Variants in NPAS3 observed in about 807,000 individuals in gnomAD.
NPAS3 encodes neuronal PAS domain protein 3, also known as neuronal PAS domain-containing protein 3.
A neutral mutation model predicts 73.1 loss-of-function variants in NPAS3; 14 were observed. That is an observed-to-expected ratio of 0.19 (90% CI 0.13 to 0.30). The LOEUF (loss-of-function observed/expected upper bound fraction) is 0.30. Ranked by LOEUF, NPAS3 falls within the 10% of genes least tolerant of loss-of-function variation. The pLI, the probability that NPAS3 is intolerant of heterozygous loss-of-function variation, is 1.00. For missense variants in NPAS3, 1,096 were observed against 1,250.0 expected (o/e 0.88, Z 1.86); for synonymous variants, 620 against 541.5 (o/e 1.14, Z -2.01).
intron 3 of NPAS3, among the ~76,000 whole-genome samples, chr14:33,365,420 T>A (rs1490326703): frequency 6.6e-6 from 1 of 152,138 alleles, no homozygotes; most frequent in Non-Finnish European, 1.5e-5. Context: ...ACAGTAGTAC[T>A]GTCTTAAGTA....
intron 3 of NPAS3, among the ~76,000 whole-genome samples, chr14:33,366,307 A>G (rs2045839854): frequency 6.6e-6 from 1 of 151,554 alleles, no homozygotes; most frequent in African/African-American, 2.4e-5. Context: ...CAGGTTTAAC[A>G]TAAATTGGAA....
intron 6 of NPAS3, among the ~76,000 whole-genome samples, chr14:33,704,454 T>C (rs572948978): frequency 3.9e-5 from 6 of 152,340 alleles, no homozygotes; most frequent in Non-Finnish European, 8.8e-5. Context: ...TACTTCCTTA[T>C]TGCATTACAA....
intron 4 of NPAS3, among the ~76,000 whole-genome samples, chr14:33,412,162 A>C (rs2047956593): frequency 6.6e-6 from 1 of 152,110 alleles, no homozygotes; most frequent in African/African-American, 2.4e-5. Context: ...TCTGTCCCCC[A>C]GGCTGGAATG....
intron 4 of NPAS3, among the ~76,000 whole-genome samples, chr14:33,545,539 C>G (rs936794101): frequency 5.9e-5 from 9 of 152,288 alleles, no homozygotes; most frequent in Admixed American, 4.6e-4. Context: ...TAGCTCAGGT[C>G]TATTTGAGTT....
chr14:33,076,277 C>G (rs911179444), intron 2 of NPAS3, among the ~76,000 whole-genome samples: 1 of 152,120 alleles, frequency 6.6e-6, no homozygotes, highest in African/African-American at 2.4e-5. Context: ...AAGTAAAGAG[C>G]TTTTTGCTGA....
intron 4 of NPAS3, among the ~76,000 whole-genome samples, chr14:33,466,895 T>C (rs1309587937): frequency 1.3e-5 from 2 of 152,118 alleles, no homozygotes; most frequent in East Asian, 3.8e-4. Flanking sequence ...GGGATTACAA[T>C]CAGACATGAG....
chr14:33,367,364 G>C (rs2045890915), intron 4 of NPAS3, 96 bp downstream of exon 4: 2 of 588,616 alleles, frequency 3.4e-6, no homozygotes, highest in African/African-American at 1.9e-5. Context: ...AATGTCAGCT[G>C]TATATTTGAC....
At position 33,133,487 on chromosome 14, in the gene NPAS3, G is replaced by A. The variant is rs187097377; in HGVS notation, c.140+77493G>A. Among the ~76,000 whole-genome samples, 350 of 152,268 alleles carry A rather than the reference G, an allele frequency of 2.3e-3. 4 individuals carry two copies. Among genetic ancestry groups the A allele is most frequent in the African/African-American group, 7.9e-3 (330 of 41,550 alleles). ...AAGTGTGTAAGAAGGCATTGGTTAA[G>A]CCAACTACTGTAACTTCCCAACTAA... On this transcript the variant is annotated intron_variant, in intron 2 of 11. Coordinates refer to ENST00000356141, the Ensembl canonical transcript of NPAS3.
chr14:33,606,241 A>T (rs1382056161), intron 5 of NPAS3, among the ~76,000 whole-genome samples: 1 of 98,350 alleles, frequency 1.0e-5, no homozygotes, highest in Admixed American at 1.5e-4. Flanking sequence ...ACCCCACAAC[A>T]TTCCCCAGAG....
At chr14:33,158,375 T>C (rs2044724642) in intron 2 of NPAS3, among the ~76,000 whole-genome samples, 1 of 152,172 alleles carries the variant, frequency 6.6e-6, no homozygotes, top group South Asian at 2.1e-4. Context: ...TTTAGATGCG[T>C]ATGTATTTAT....
At chr14:33,081,922 A>C (rs1035754441) in intron 2 of NPAS3, among the ~76,000 whole-genome samples, 1 of 152,226 alleles carries the variant, frequency 6.6e-6, no homozygotes, top group African/African-American at 2.4e-5. Context: ...TTGTTATCTT[A>C]GGCTGATTTA....
chr14:33,270,054 C>T (rs1211786165), intron 3 of NPAS3, among the ~76,000 whole-genome samples: 1 of 152,064 alleles, frequency 6.6e-6, no homozygotes, highest in Non-Finnish European at 1.5e-5. Flanking sequence ...GAAGGACAGC[C>T]TCAGTCTGAT....
chr14:33,777,416 A>G (rs1235882160), intron 8 of NPAS3, among the ~76,000 whole-genome samples: 1 of 151,850 alleles, frequency 6.6e-6, no homozygotes, highest in Non-Finnish European at 1.5e-5. Flanking sequence ...TATTTTAATT[A>G]TGTTTCTTTT....
At chr14:33,681,909 G>A (rs893516791) in intron 6 of NPAS3, among the ~76,000 whole-genome samples, 1 of 152,038 alleles carries the variant, frequency 6.6e-6, no homozygotes, top group African/African-American at 2.4e-5. Context: ...CGAGTGGTAT[G>A]CTACTTTTGC....
At chr14:33,534,919 G>A (rs2054194022) in intron 4 of NPAS3, among the ~76,000 whole-genome samples, 1 of 152,082 alleles carries the variant, frequency 6.6e-6, no homozygotes, top group Admixed American at 6.6e-5. Flanking sequence ...CCTCTTTCCA[G>A]GACGTGTGCT....
At chr14:33,587,994 T>C (rs1240177041) in intron 5 of NPAS3, among the ~76,000 whole-genome samples, 2 of 152,218 alleles carry the variant, frequency 1.3e-5, no homozygotes, top group African/African-American at 4.8e-5. Flanking sequence ...ATTTTGTTGC[T>C]CTACTTAAAG....
At chr14:33,425,074 C>T (rs552075429) in intron 4 of NPAS3, among the ~76,000 whole-genome samples, 80 of 151,924 alleles carry the variant, frequency 5.3e-4, no homozygotes, top group African/African-American at 1.8e-3. Context: ...AAGAGTGTTT[C>T]GGGAAAAACA....
chr14:33,486,862 G>C (rs1041168883), intron 4 of NPAS3, among the ~76,000 whole-genome samples: 9 of 152,186 alleles, frequency 5.9e-5, no homozygotes, highest in African/African-American at 2.2e-4. Flanking sequence ...AAAATGAATA[G>C]AGACAGAGAA....
intron 9 of NPAS3, among the ~76,000 whole-genome samples, chr14:33,784,814 G>C (rs1298122961): frequency 2.3e-5 from 3 of 128,318 alleles, no homozygotes; most frequent in Admixed American, 1.7e-4. Context: ...ACAATGGCAC[G>C]ATCTCGGCTC....
Sources: gnomAD v4.1 joint callset for allele counts (sites outside exome capture counted in the v4.1 genomes callset) on GRCh38, gnomAD v4.1.1 for gene constraint, MANE v1.5 for transcripts, NCBI Gene and HGNC (gene_info 2026-07-23, HGNC 2026-07-21) for gene names.